Variants in CCDC78 observed in about 807,000 individuals in gnomAD.
CCDC78 encodes the protein coiled-coil domain containing 78, also known as coiled-coil domain-containing protein 78.
In CCDC78, 78 loss-of-function variants were observed where a neutral mutation model predicts 61.9. The ratio of observed to expected loss-of-function variants is 1.26; its 90% CI spans 1.05 to 1.52. The LOEUF is 1.52. Among genes scored for constraint, CCDC78 ranks in the 40% most tolerant of loss-of-function variants. CCDC78 has a pLI of 0.00. For synonymous variants in CCDC78, 287 were observed against 251.9 expected (o/e 1.14, Z -1.32); for missense variants, 737 against 615.5 (o/e 1.20, Z -2.09).
Position 724,673 on chromosome 16 carries a change from G to T in CCDC78, c.765+8C>A. On this transcript the variant is annotated splice_region_variant and intron_variant, in intron 8 of 13. Coordinates refer to ENST00000345165, the MANE Select transcript of CCDC78 (RefSeq NM_001378030.1). ...CCCTAGGCCTCAGGGTGCTCCTGCAGGGCTCACCACTGCCTGCCAGGCGCA... is the reference window on the plus strand; with the variant it reads ...CCCTAGGCCTCAGGGTGCTCCTGCATGGCTCACCACTGCCTGCCAGGCGCA... 6.2e-7 allele frequency: 1 copy of T among 1,608,676 alleles called. No homozygotes were observed. Among genetic ancestry groups the T allele is most frequent in the South Asian group, 1.1e-5 (1 of 90,722 alleles).
upstream of CCDC78, chr16:726,701 G>T: frequency 4.2e-6 from 2 of 474,010 alleles, no homozygotes; most frequent in South Asian, 2.8e-5. Flanking sequence ...CCCGCCCGCA[G>T]GATGCCCTGA....
upstream of CCDC78, chr16:726,777 A>G (rs1325465140): frequency 3.8e-6 from 1 of 265,474 alleles, no homozygotes; most frequent in South Asian, 6.1e-5. Flanking sequence ...CGGGGGAAGT[A>G]TATCTCTGCA....
At chr16:723,336 T>C in intron 11 of CCDC78, 175 bp from the exon 12 acceptor site, 1 of 776,358 alleles carries the variant, frequency 1.3e-6, no homozygotes. Context: ...CTTGGAGCCA[T>C]CCGTGTATAG....
In CCDC78 at chr16:724,670, G is replaced by C. The variant is rs776636446; in HGVS notation, c.765+11C>G. 8.1e-6 allele frequency: 13 copies of C among 1,608,014 alleles called. No homozygotes were observed. In the African/African-American group the frequency reaches 1.1e-4, roughly 13 times the overall value. ...GCTCCCTAGGCCTCAGGGTGCTCCT[G>C]CAGGGCTCACCACTGCCTGCCAGGC... is the stretch of plus-strand genomic sequence containing the variant. On this transcript the variant is annotated intron_variant, in intron 8 of 13. Coordinates refer to ENST00000345165, the MANE Select transcript of CCDC78 (RefSeq NM_001378030.1).
chr16:726,247 C>T (rs1239961723), intron 1 of CCDC78, 61 bp downstream of exon 1: 3 of 1,549,706 alleles, frequency 1.9e-6, no homozygotes, highest in East Asian at 4.9e-5. Flanking sequence ...CCCTCCTGGC[C>T]TTTGGGGGAA....
At position 722,989 on chromosome 16, in the gene CCDC78, C is replaced by G; in HGVS notation, c.1234G>C (p.Val412Leu). The part of the protein sequence containing the change: ...ELERERAQLL[V>L]RATMAEEQLS... The stretch of plus-strand genomic sequence containing the variant: ...TGCTCTTCAGCCATCGTGGCCCGGA[C>G]CAGCAGCTGTGCCCGCTCCCGTTCC... Residue 412 changes from valine (V) to leucine (L), a missense_variant, in exon 13 of 14, where the codon GTC becomes CTC. Transcript: ENST00000345165. 5.0e-6 allele frequency: 8 copies of G among 1,612,514 alleles called. No individual in the cohort carries two copies. The highest frequency in any genetic ancestry group is 6.8e-6 in the Non-Finnish European group (8 of 1,180,004).
In CCDC78 at chr16:724,161, T is replaced by C; in HGVS notation, c.998A>G (p.Asp333Gly). Residue 333 changes from aspartate to glycine, a missense_variant, in exon 10 of 14, where the codon GAC becomes GGC. By Grantham distance (94) the Asp-to-Gly change is moderately conservative. Coordinates refer to ENST00000345165, the MANE Select transcript of CCDC78 (RefSeq NM_001378030.1). Reference protein sequence around the residue: ...PQAIFDIASLDLEPLPVPLVT... With the variant: ...PQAIFDIASLGLEPLPVPLVT... ...CAGGGGCACGGGCAATGGTTCCAGG[T>C]CCAAGCTGGCTATGTCAAAAATAGC... is the stretch of plus-strand genomic sequence containing the variant. The C allele has an allele frequency of 6.2e-7, 1 of 1,606,058 alleles. No individual in the cohort carries two copies. Among genetic ancestry groups the C allele is most frequent in the Non-Finnish European group, 8.5e-7 (1 of 1,176,242 alleles).
chr16:724,531 C>T (rs771029694), intron 8 of CCDC78, 22 bp from the exon 9 acceptor site: 171 of 1,582,464 alleles, frequency 1.1e-4, no homozygotes, highest in Admixed American at 3.3e-4. Flanking sequence ...GGGCTGGGTC[C>T]GCATGGGGCC....
At chr16:723,735 A>T (rs1341926168) in intron 11 of CCDC78, 122 bp downstream of exon 11, 1 of 867,598 alleles carries the variant, frequency 1.2e-6, no homozygotes, top group Non-Finnish European at 1.9e-6. Flanking sequence ...CACTGAGTGC[A>T]TTGCTGTGAC....
intron 11 of CCDC78, 87 bp downstream of exon 11, chr16:723,770 G>C: frequency 1.6e-6 from 2 of 1,243,478 alleles, no homozygotes; most frequent in Non-Finnish European, 2.3e-6. Context: ...CGGGGGCTTG[G>C]TGGAGCAACT....
At position 724,226 on chromosome 16, in the gene CCDC78, C is replaced by T. The variant is rs199606598; in HGVS notation, c.954-21G>A. ...GTGCCCTGTCAGGGTAGGCTAGTGT[C>T]TGTCTGGGGCCACTCCTGCTGCACA... On this transcript the variant is annotated intron_variant, in intron 9 of 13. Transcript: ENST00000345165. 261 of 1,584,158 alleles carry T rather than the reference C, an allele frequency of 1.6e-4. 3 individuals are homozygous for T. The East Asian group carries it at 4.5e-3, about 27-fold the overall frequency.
rs1325975755 is a variant in CCDC78, at chr16:724,175, G to A, written c.984C>T (p.Asp328=). 2 of 1,603,948 alleles carry A rather than the reference G, an allele frequency of 1.2e-6. No individual in the cohort carries two copies. Among genetic ancestry groups the A allele is most frequent in the Non-Finnish European group, 1.7e-6 (2 of 1,175,258 alleles). The change falls in exon 10 of 14, where the codon GAC becomes GAT. Residue 328 remains aspartate, a synonymous_variant. Coordinates refer to ENST00000345165, the MANE Select transcript of CCDC78 (RefSeq NM_001378030.1). ...ATGGTTCCAGGTCCAAGCTGGCTAT[G>A]TCAAAAATAGCTTGGGGGTTCCCAG... is the stretch of plus-strand genomic sequence containing the variant. ...RAPGNPQAIF[D]IASLDLEPLP...
Position 725,431 on chromosome 16 carries a change from A to G in CCDC78, c.417T>C (p.Ser139=). The G allele has an allele frequency of 6.2e-7, 1 of 1,612,734 alleles. No individual in the cohort carries two copies. The highest frequency in any genetic ancestry group is 8.5e-7 in the Non-Finnish European group (1 of 1,179,950). The change falls in exon 4 of 14, where the codon TCT becomes TCC. Residue 139 remains serine, a synonymous_variant. Transcript: ENST00000345165. Reference sequence around the variant, plus strand: ...TGGTAACCTGGAATCTGTGGTCATCAGAGTGTCCAGGCACCTGGGCTTTGT... The same window carrying G: ...TGGTAACCTGGAATCTGTGGTCATCGGAGTGTCCAGGCACCTGGGCTTTGT... ...LRHKAQVPGH[S]DDHRFQVQPK...
At chr16:726,450 G>A (rs1317723722), upstream of CCDC78, 25 of 1,461,108 alleles carry the variant, frequency 1.7e-5, no homozygotes, top group Middle Eastern at 2.1e-4. Context: ...CACTGGCACT[G>A]CTAAGTGCGT....
intron 4 of CCDC78, 44 bp from the exon 5 acceptor site, chr16:725,337 C>G: frequency 6.2e-7 from 1 of 1,611,008 alleles, no homozygotes; most frequent in Non-Finnish European, 8.5e-7. Context: ...GTGGGTGAGC[C>G]CCAGTTTCAC....
rs1167147868 is a variant in CCDC78 at position 724,731 on chromosome 16, G to A, written c.715C>T (p.Leu239=). The change falls in exon 8 of 14, where the codon CTG becomes TTG. Residue 239 remains leucine, a synonymous_variant. Coordinates refer to ENST00000345165, the MANE Select transcript of CCDC78 (RefSeq NM_001378030.1). ...NARLQLQLKK[L]KDEYVLRLQH... ...AGCCGTAGGACGTACTCATCCTTCA[G>A]TTTCTTGAGCTGCAGCTGCAGCCGG... The A allele has an allele frequency of 1.2e-6, 2 of 1,612,206 alleles. No individual in the cohort carries two copies. The highest frequency in any genetic ancestry group is 1.7e-6 in the Non-Finnish European group (2 of 1,179,878).
At chr16:723,232 G>T in intron 11 of CCDC78, 71 bp from the exon 12 acceptor site, 1 of 1,521,844 alleles carries the variant, frequency 6.6e-7, no homozygotes, top group East Asian at 2.3e-5. Flanking sequence ...ACGTGACCGT[G>T]CTGAGTCAGG....
intron 11 of CCDC78, 169 bp from the exon 12 acceptor site, chr16:723,330 G>A (rs2040426873): frequency 3.8e-6 from 3 of 794,820 alleles, no homozygotes; most frequent in African/African-American, 1.7e-5. Context: ...CCAGGCCTTG[G>A]AGCCATCCGT....
chr16:725,377 C>T, intron 4 of CCDC78, 36 bp downstream of exon 4: 2 of 1,611,892 alleles, frequency 1.2e-6, no homozygotes, highest in Non-Finnish European at 1.7e-6. Flanking sequence ...TCCCTCTGGC[C>T]TTTCCCAGCC....
Sources: allele counts gnomAD v4.1 joint callset, GRCh38; gene constraint gnomAD v4.1.1; transcripts MANE v1.5; gene names NCBI Gene and HGNC (gene_info 2026-07-23, HGNC 2026-07-21).